The following XKR4 variants were observed in gnomAD, a reference collection of about 807,000 sequenced individuals.
The protein encoded by XKR4 is XK related 4.
XKR4 carries 12 observed loss-of-function variants against 53.9 expected under a neutral mutation model. The ratio of observed to expected loss-of-function variants is 0.22; its 90% CI spans 0.14 to 0.36. XKR4 has a LOEUF of 0.36. Among genes scored for constraint, XKR4 ranks in the 10% least tolerant of loss-of-function variants. The probability of loss-of-function intolerance (pLI) is 1.00; values close to 1 mark genes in which losing one functional copy is unlikely to be tolerated. For synonymous variants in XKR4, 354 were observed against 362.4 expected, an observed-to-expected ratio of 0.98 and a Z score of 0.26; for missense variants, 799 against 859.5, an observed-to-expected ratio of 0.93 and a Z score of 0.88.
In XKR4 at chr8:55,479,397, G is replaced by A. The variant is rs190335599; in HGVS notation, c.1007-43884G>A. ...CCAGAATCTCTGGGACACAATCAAA[G>A]CAGTGTGTAGAGGGAAATTTATAGC... On this transcript the variant is annotated intron_variant, in intron 2 of 2. Coordinates refer to ENST00000327381, the MANE Select transcript of XKR4 (RefSeq NM_052898.2). Among the ~76,000 whole-genome samples the A allele has an allele frequency of 1.4e-3, 218 of 152,024 alleles. 2 individuals are homozygous for A. Among genetic ancestry groups the A allele is most frequent in the African/African-American group, 5.1e-3 (213 of 41,432 alleles).
chr8:55,250,504 C>G (rs1376118763), intron 1 of XKR4, among the ~76,000 whole-genome samples: 2 of 152,204 alleles, frequency 1.3e-5, no homozygotes, highest in African/African-American at 4.8e-5. Context: ...TCTAAGGGAG[C>G]TGGCTGTGTT....
intron 2 of XKR4, among the ~76,000 whole-genome samples, chr8:55,478,457 A>G (rs1187420293): frequency 6.6e-6 from 1 of 152,130 alleles, no homozygotes; most frequent in Non-Finnish European, 1.5e-5. Context: ...GCCAAAATGT[A>G]AAGACCATCA....
intron 1 of XKR4, among the ~76,000 whole-genome samples, chr8:55,356,551 G>A (rs1376184726): frequency 6.6e-6 from 1 of 151,370 alleles, no homozygotes; most frequent in African/African-American, 2.4e-5. Flanking sequence ...TGATAATCAG[G>A]AAAATATGAA....
At chr8:55,468,202 A>G (rs1365376627) in intron 2 of XKR4, among the ~76,000 whole-genome samples, 1 of 152,112 alleles carries the variant, frequency 6.6e-6, no homozygotes, top group Non-Finnish European at 1.5e-5. Context: ...AACCTAAGGT[A>G]TCCAGCCAGA....
In XKR4 at chr8:55,530,382, G is replaced by C. The variant is rs1280304046; in HGVS notation, c.*6155G>C. The C allele has an allele frequency of 6.6e-6, 1 of 152,154 alleles. No homozygotes were observed. Among genetic ancestry groups the C allele is most frequent in the Non-Finnish European group, 1.5e-5 (1 of 68,036 alleles). The allele number at this position is 152,154 out of a possible 1,614,324, so 9.4% of individuals were successfully genotyped here. The stretch of plus-strand genomic sequence containing the variant: ...ATATAAGTCTAGGAACCTTATTTTA[G>C]TGTTAGATGCCAATAATACTGCAAG... On this transcript the variant is annotated 3_prime_UTR_variant, in exon 3 of 3. Transcript: ENST00000327381.
At chr8:55,218,630 C>G (rs996804831) in intron 1 of XKR4, among the ~76,000 whole-genome samples, 1 of 152,084 alleles carries the variant, frequency 6.6e-6, no homozygotes, top group Non-Finnish European at 1.5e-5. Context: ...TAAAATAGTT[C>G]CAATGTGTAT....
At chr8:55,358,073 A>G (rs1466934657) in intron 2 of XKR4, among the ~76,000 whole-genome samples, 196 bp downstream of exon 2, 5 of 152,098 alleles carry the variant, frequency 3.3e-5, no homozygotes, top group African/African-American at 1.2e-4. Context: ...AAGACAGCGC[A>G]TTTTTGCTCT....
chr8:55,386,748 AC>A (rs1487356303), intron 2 of XKR4, among the ~76,000 whole-genome samples: 3 of 152,196 alleles, frequency 2.0e-5, no homozygotes, highest in African/African-American at 7.2e-5. Flanking sequence ...AGGCCAGTGG[AC>A]TTAATGCACC....
intron 2 of XKR4, chr8:55,453,016 A>C (rs1022922949): frequency 3.5e-5 from 23 of 661,734 alleles, no homozygotes; most frequent in Middle Eastern, 2.6e-4. Context: ...TCTAGGGCAG[A>C]GTGCTCTCTC....
chr8:55,516,963 TG>T lies in XKR4; in HGVS notation c.1007-6317del, dbSNP rs986190240. 3.9e-5 allele frequency among the ~76,000 whole-genome samples: 6 copies of T among 152,152 alleles called. No individual in the cohort carries two copies. The East Asian group carries it at 1.2e-3, about 29-fold the overall frequency. On this transcript the variant is annotated intron_variant, in intron 2 of 2. Transcript: ENST00000327381. The stretch of plus-strand genomic sequence containing the variant: ...GCAGGCATAAAAAAGACTGAAATCA[TG>T]TTTTTTTGCAGCAACATAGATGGAA...
chr8:55,176,943 A>G (rs751343226), intron 1 of XKR4, among the ~76,000 whole-genome samples: 1 of 152,096 alleles, frequency 6.6e-6, no homozygotes, highest in Non-Finnish European at 1.5e-5. Context: ...CAGCCAAATC[A>G]CAAAAGTACC....
intron 2 of XKR4, among the ~76,000 whole-genome samples, chr8:55,500,608 G>A (rs1342106174): frequency 6.6e-6 from 1 of 152,090 alleles, no homozygotes; most frequent in African/African-American, 2.4e-5. Context: ...CCCTAATCTA[G>A]GAAAATTGTA....
At chr8:55,399,876 C>G (rs114460216) in intron 2 of XKR4, among the ~76,000 whole-genome samples, 2,133 of 152,278 alleles carry the variant, frequency 0.014, 28 homozygotes, top group African/African-American at 0.035. Context: ...GATGCAGGCA[C>G]AAAACCTCCA....
Position 55,266,309 on chromosome 8 carries a change from C to T in XKR4, c.807-91369C>T, listed in dbSNP as rs544846718. ...AGCAACCCCTGTGTTTCCATGGCTG[C>T]GTCCTCCAGTTGCCTCTGTCTTAGT... On this transcript the variant is annotated intron_variant, in intron 1 of 2. Coordinates refer to ENST00000327381, the MANE Select transcript of XKR4 (RefSeq NM_052898.2). Among the ~76,000 whole-genome samples, 12 of 151,942 alleles carry T rather than the reference C, an allele frequency of 7.9e-5. No individual in the cohort carries two copies. In the South Asian group the frequency reaches 8.4e-4, roughly 11 times the overall value.
chr8:55,440,162 G>C (rs1805243651), intron 2 of XKR4, among the ~76,000 whole-genome samples: 1 of 152,078 alleles, frequency 6.6e-6, no homozygotes, highest in African/African-American at 2.4e-5. Flanking sequence ...TTAGTTACAA[G>C]AGTGAAATAT....
chr8:55,301,828 C>T (rs901871280), intron 1 of XKR4, among the ~76,000 whole-genome samples: 17 of 152,166 alleles, frequency 1.1e-4, no homozygotes, highest in African/African-American at 3.6e-4. Context: ...CCTTTGCCCA[C>T]TTTTTGATGG....
intron 1 of XKR4, among the ~76,000 whole-genome samples, chr8:55,190,242 G>A (rs948034275): frequency 6.6e-6 from 1 of 152,194 alleles, no homozygotes; most frequent in Non-Finnish European, 1.5e-5. Flanking sequence ...GGACCATCAA[G>A]CCCTGTGCTT....
At chr8:55,359,854 T>A (rs919250226) in intron 2 of XKR4, among the ~76,000 whole-genome samples, 1 of 152,222 alleles carries the variant, frequency 6.6e-6, no homozygotes, top group African/African-American at 2.4e-5. Context: ...TTATTTATCC[T>A]AAACATAGGA....
chr8:55,480,457 C>T lies in XKR4; in HGVS notation c.1007-42824C>T, dbSNP rs1806083146. Among the ~76,000 whole-genome samples, 6 of 152,256 alleles carry T rather than the reference C, an allele frequency of 3.9e-5. No individual in the cohort carries two copies. The South Asian group carries it at 1.2e-3, about 32-fold the overall frequency. On this transcript the variant is annotated intron_variant, in intron 2 of 2. Coordinates refer to ENST00000327381, the MANE Select transcript of XKR4 (RefSeq NM_052898.2). The stretch of plus-strand genomic sequence containing the variant: ...CACAGCCAATATCATACTGAATGGG[C>T]AAAAATTGGAAGCATTCCCTTTGAA...
Sources: allele counts gnomAD v4.1 joint callset (sites outside exome capture counted in the v4.1 genomes callset), GRCh38; gene constraint gnomAD v4.1.1; transcripts MANE v1.5; gene names NCBI Gene and HGNC (gene_info 2026-07-23, HGNC 2026-07-21).